Variants in RAI2 observed in about 807,000 individuals in gnomAD.
RAI2 encodes retinoic acid-induced protein 2.
A neutral mutation model predicts 15.3 loss-of-function variants in RAI2; 5 were observed. The observed-to-expected ratio is 0.33, with a 90% CI of 0.17 to 0.69. The LOEUF (loss-of-function observed/expected upper bound fraction) is 0.69. RAI2 is among the 30% of genes least tolerant of loss of function. RAI2 has a pLI of 0.69. For synonymous variants in RAI2, 191 were observed against 184.0 expected (o/e 1.04, Z -0.31); for missense variants, 424 against 424.7 (o/e 1.00, Z 0.01).
intron 1 of RAI2, among the ~76,000 whole-genome samples, chrX:17,838,851 C>T (rs924966795): frequency 1.8e-5 from 2 of 111,704 alleles, no homozygotes; most frequent in African/African-American, 6.5e-5. Flanking sequence ...CACTCACATA[C>T]TCAACCACAT....
intron 1 of RAI2, among the ~76,000 whole-genome samples, chrX:17,837,329 T>C (rs1389229653): frequency 8.9e-6 from 1 of 111,938 alleles, no homozygotes; most frequent in African/African-American, 3.2e-5. Flanking sequence ...CTTTCTTCAC[T>C]CTCTGAAATC....
chrX:17,815,568 G>A (rs752592735), intron 1 of RAI2, among the ~76,000 whole-genome samples: 2 of 111,477 alleles, frequency 1.8e-5, no homozygotes, highest in Non-Finnish European at 3.8e-5. Context: ...ATGGTGGAAT[G>A]GAGGAGGGTT....
chrX:17,800,684 C>T lies in RAI2; in HGVS notation c.1327G>A (p.Val443Ile). The change falls in exon 2 of 2, where the codon GTC becomes ATC. Residue 443 changes from valine (V) to isoleucine (I), a missense_variant. Coordinates refer to ENST00000451717, the MANE Select transcript of RAI2 (RefSeq NM_021785.6). ...ESQAAKVIVSVEDAVPTIFCG... is the reference protein window; with the variant it reads ...ESQAAKVIVSIEDAVPTIFCG... ...AATATGGTAGGCACAGCATCTTCGA[C>T]AGAGACAATGACCTTGGCCGCCTGG... The T allele has an allele frequency of 8.3e-7, 1 of 1,211,598 alleles. No individual in the cohort carries two copies. Among genetic ancestry groups the T allele is most frequent in the Non-Finnish European group, 1.1e-6 (1 of 895,469 alleles).
chrX:17,848,596 C>T (rs1371092846), intron 1 of RAI2, among the ~76,000 whole-genome samples: 1 of 111,598 alleles, frequency 9.0e-6, no homozygotes, highest in African/African-American at 3.3e-5. Flanking sequence ...CCAGACCTTC[C>T]CTGGCCTCCT....
intron 1 of RAI2, among the ~76,000 whole-genome samples, chrX:17,835,142 G>T (rs1260371676): frequency 8.9e-6 from 1 of 111,895 alleles, no homozygotes; most frequent in Non-Finnish European, 1.9e-5. Context: ...TCACATTAAG[G>T]CGCCCATACG....
chrX:17,816,626 C>T (rs1468778530), intron 1 of RAI2, among the ~76,000 whole-genome samples: 1 of 112,179 alleles, frequency 8.9e-6, no homozygotes, highest in Admixed American at 9.4e-5. Context: ...AAGGACACAG[C>T]TTGAAATAGG....
chrX:17,856,547 T>C (rs1008274162), intron 1 of RAI2, among the ~76,000 whole-genome samples: 1 of 112,286 alleles, frequency 8.9e-6, no homozygotes, highest in Non-Finnish European at 1.9e-5. Context: ...CGGTGAGAAA[T>C]ATGTTTCTAT....
At position 17,800,847 on chromosome X, in the gene RAI2, AG is replaced by A; in HGVS notation, c.1163del (p.Pro388LeufsTer10). 1 of 1,211,473 alleles carries A rather than the reference AG, an allele frequency of 8.3e-7. No homozygotes were observed. Among genetic ancestry groups the A allele is most frequent in the Non-Finnish European group, 1.1e-6 (1 of 895,422 alleles). ...TGGCTGGGGCCTCATGGGACGTGGCAGGGGCAAAAGAAATTTCCATGCCACT... is the reference window on the plus strand; with the variant it reads ...TGGCTGGGGCCTCATGGGACGTGGCAGGGCAAAAGAAATTTCCATGCCACT... ...LPSGMEISFA[P>X]ATSHEAPAMM... On this transcript the variant is annotated frameshift_variant, in exon 2 of 2. Coordinates refer to ENST00000451717, the MANE Select transcript of RAI2 (RefSeq NM_021785.6). LOFTEE classifies it high-confidence loss of function.
chrX:17,843,866 C>T (rs1158137509), intron 1 of RAI2, among the ~76,000 whole-genome samples: 1 of 112,434 alleles, frequency 8.9e-6, no homozygotes, highest in Non-Finnish European at 1.9e-5. Flanking sequence ...CCATCAAATG[C>T]TTTCTTCAAT....
At chrX:17,860,851 G>C (rs1264838417) in intron 1 of RAI2, 2 of 105,346 alleles carry the variant, frequency 1.9e-5, no homozygotes. Flanking sequence ...GCGCGGCGCC[G>C]GGAACGGGAG....
chrX:17,845,454 C>G (rs762754930), intron 1 of RAI2, among the ~76,000 whole-genome samples: 1 of 112,164 alleles, frequency 8.9e-6, no homozygotes, highest in Admixed American at 9.4e-5. Flanking sequence ...AGTGTGTCAC[C>G]TCACTCTGCA....
intron 1 of RAI2, among the ~76,000 whole-genome samples, chrX:17,817,548 A>G (rs1470287725): frequency 8.9e-6 from 1 of 112,325 alleles, no homozygotes; most frequent in Non-Finnish European, 1.9e-5. Flanking sequence ...GCCTCCAGGG[A>G]GCAGGAAAAG....
At chrX:17,858,229 A>G (rs762375813) in intron 1 of RAI2, among the ~76,000 whole-genome samples, 1 of 112,055 alleles carries the variant, frequency 8.9e-6, no homozygotes, top group Non-Finnish European at 1.9e-5. Flanking sequence ...CCTTTAAATC[A>G]TAACCACCAA....
rs183627527 is a variant in RAI2, at chrX:17,825,972, G to A, written c.-24-23938C>T. The stretch of plus-strand genomic sequence containing the variant: ...CTTGGCCCTCATCTTACTCATCTCA[G>A]CAGTGTTTGACACAGTGACTATTCC... On this transcript the variant is annotated intron_variant, in intron 1 of 1. Transcript: ENST00000451717. Among the ~76,000 whole-genome samples the A allele has an allele frequency of 4.5e-5, 5 of 112,171 alleles. No individual in the cohort carries two copies. The East Asian group carries it at 1.4e-3, about 31-fold the overall frequency.
At chrX:17,806,410 C>T (rs2066981722) in intron 1 of RAI2, among the ~76,000 whole-genome samples, 1 of 112,337 alleles carries the variant, frequency 8.9e-6, no homozygotes, top group African/African-American at 3.2e-5. Context: ...TCCACCTGTC[C>T]CCATTATCCC....
In RAI2 at chrX:17,800,697, C is replaced by G. The variant is rs2066893755; in HGVS notation, c.1314G>C (p.Lys438Asn). 8.3e-7 allele frequency: 1 copy of G among 1,209,671 alleles called. No individual in the cohort carries two copies. Among genetic ancestry groups the G allele is most frequent in the Non-Finnish European group, 1.1e-6 (1 of 895,195 alleles). ...IEMVGESQAA[K>N]VIVSVEDAVP... ...CAGCATCTTCGACAGAGACAATGAC[C>G]TTGGCCGCCTGGGACTCGCCCACCA... The change falls in exon 2 of 2, where the codon AAG becomes AAC. Residue 438 changes from lysine (K) to asparagine (N), a missense_variant. Lys to Asn is a moderately conservative substitution (Grantham distance 94, BLOSUM62 0). Transcript: ENST00000451717.
chrX:17,847,077 TGTGGAA>T, intron 1 of RAI2, among the ~76,000 whole-genome samples: 1 of 111,937 alleles, frequency 8.9e-6, no homozygotes. Context: ...TCCCCAGCCA[TGTGGAA>T]CTGTGAGTCC....
At chrX:17,810,262 T>C (rs745880875) in intron 1 of RAI2, among the ~76,000 whole-genome samples, 5 of 112,029 alleles carry the variant, frequency 4.5e-5, no homozygotes, top group Non-Finnish European at 9.4e-5. Context: ...ACACGAGCTA[T>C]AGAGTCAGCA....
rs753010637 is a variant in RAI2 at position 17,801,370 on chromosome X, GGGGGCACA to G, written c.633_640del (p.Val212ThrfsTer4). ...GGACAAGGGGGAGCTAAAAGGCTGT[GGGGGCACA>G]GGGGCATAGCCAGGAGGAGGCTGAC... is the stretch of plus-strand genomic sequence containing the variant. On this transcript the variant is annotated frameshift_variant, in exon 2 of 2. Transcript: ENST00000451717. LOFTEE classifies it high-confidence loss of function. 8.7e-7 allele frequency: 1 copy of G among 1,150,171 alleles called. No homozygotes were observed. The highest frequency in any genetic ancestry group is 1.2e-6 in the Non-Finnish European group (1 of 864,793). The allele number at this position is 1,150,171 out of a possible 1,213,427, so 94.8% of individuals were successfully genotyped here.
Sources: allele counts gnomAD v4.1 joint callset (sites outside exome capture counted in the v4.1 genomes callset), GRCh38; gene constraint gnomAD v4.1.1; transcripts MANE v1.5; gene names NCBI Gene and HGNC (gene_info 2026-07-23, HGNC 2026-07-21).